HS3ST4: variants seen among roughly 807,000 people sequenced by gnomAD.
HS3ST4 encodes heparan sulfate glucosamine 3-O-sulfotransferase 4.
HS3ST4 carries 17 observed loss-of-function variants against 29.2 expected under a neutral mutation model. The observed-to-expected ratio is 0.58, with a 90% CI of 0.40 to 0.87. The LOEUF (loss-of-function observed/expected upper bound fraction) is 0.87. Among genes scored for constraint, HS3ST4 ranks in the 40% least tolerant of loss-of-function variants. The pLI is 0.00. For synonymous variants in HS3ST4, 314 were observed against 285.7 expected (o/e 1.10, Z -1.00); for missense variants, 627 against 634.5 (o/e 0.99, Z 0.13).
intron 1 of HS3ST4, among the ~76,000 whole-genome samples, chr16:25,932,850 T>G (rs1211090967): frequency 6.6e-6 from 1 of 152,238 alleles, no homozygotes; most frequent in Non-Finnish European, 1.5e-5. Flanking sequence ...GCTTGGTTTC[T>G]AAACCTAGAC....
At chr16:26,004,797 T>A (rs1347517664) in intron 1 of HS3ST4, among the ~76,000 whole-genome samples, 1 of 152,196 alleles carries the variant, frequency 6.6e-6, no homozygotes, top group Non-Finnish European at 1.5e-5. Context: ...TCATGAAGAA[T>A]AAAATTAAAC....
intron 1 of HS3ST4, among the ~76,000 whole-genome samples, chr16:25,914,269 GGTGT>G (rs1005095210): frequency 1.3e-4 from 19 of 150,214 alleles, no homozygotes; most frequent in Admixed American, 3.3e-4. Context: ...GCATGTGTGG[GGTGT>G]GTGTGGGTAG....
At chr16:25,826,243 C>T (rs1164284446) in intron 1 of HS3ST4, 1 of 152,244 alleles carries the variant, frequency 6.6e-6, no homozygotes, top group African/African-American at 2.4e-5. Context: ...AGAACTCCTT[C>T]AGGCTTCAGA....
intron 1 of HS3ST4, among the ~76,000 whole-genome samples, chr16:25,777,858 A>G (rs1256237745): frequency 6.6e-6 from 1 of 151,880 alleles, no homozygotes; most frequent in East Asian, 1.9e-4. Context: ...GCCAATATAG[A>G]ATGCCTTCTG....
intron 1 of HS3ST4, among the ~76,000 whole-genome samples, chr16:25,843,386 G>A (rs1187094595): frequency 6.6e-6 from 1 of 152,156 alleles, no homozygotes; most frequent in African/African-American, 2.4e-5. Context: ...ATTTCCTAGA[G>A]GAAGCATTCC....
At chr16:25,794,601 T>C (rs958019538) in intron 1 of HS3ST4, among the ~76,000 whole-genome samples, 7 of 152,150 alleles carry the variant, frequency 4.6e-5, no homozygotes, top group Non-Finnish European at 1.0e-4. Context: ...CTTATTAGTC[T>C]AATTTTTGCT....
chr16:25,853,667 G>A (rs1391074505), intron 1 of HS3ST4, among the ~76,000 whole-genome samples: 1 of 152,128 alleles, frequency 6.6e-6, no homozygotes, highest in Non-Finnish European at 1.5e-5. Context: ...TTAATATGAT[G>A]TATCACATTT....
chr16:25,928,419 G>A (rs1968431206), intron 1 of HS3ST4, among the ~76,000 whole-genome samples: 1 of 152,060 alleles, frequency 6.6e-6, no homozygotes, highest in Non-Finnish European at 1.5e-5. Flanking sequence ...GTATTTTCAG[G>A]TCACCAAGGA....
intron 1 of HS3ST4, among the ~76,000 whole-genome samples, chr16:25,734,266 A>G (rs1966591439): frequency 6.6e-6 from 1 of 152,198 alleles, no homozygotes; most frequent in Non-Finnish European, 1.5e-5. Context: ...TTTATATGAA[A>G]TTTCCCAACT....
chr16:25,905,772 T>A (rs1419393460), intron 1 of HS3ST4, among the ~76,000 whole-genome samples: 1 of 152,190 alleles, frequency 6.6e-6, no homozygotes, highest in African/African-American at 2.4e-5. Flanking sequence ...TGTTCCTTGG[T>A]ATTAATTTAG....
intron 1 of HS3ST4, among the ~76,000 whole-genome samples, chr16:25,975,609 A>G (rs1201308122): frequency 6.6e-6 from 1 of 152,054 alleles, no homozygotes; most frequent in Non-Finnish European, 1.5e-5. Flanking sequence ...TTCCATCATA[A>G]CCTCACTGGT....
At chr16:26,035,415 A>G (rs1206703068) in intron 1 of HS3ST4, among the ~76,000 whole-genome samples, 2 of 152,202 alleles carry the variant, frequency 1.3e-5, no homozygotes, top group African/African-American at 4.8e-5. Flanking sequence ...TTCCTCCTAG[A>G]TGTTTCAAAA....
intron 1 of HS3ST4, among the ~76,000 whole-genome samples, chr16:26,037,665 A>C (rs1417213967): frequency 6.6e-6 from 1 of 152,190 alleles, no homozygotes; most frequent in Non-Finnish European, 1.5e-5. Flanking sequence ...TTCACTGAGC[A>C]GTTTGTTGGA....
chr16:25,888,374 C>T (rs1251637427), intron 1 of HS3ST4, among the ~76,000 whole-genome samples: 1 of 152,192 alleles, frequency 6.6e-6, no homozygotes, highest in Admixed American at 6.5e-5. Flanking sequence ...CTCTTTATCT[C>T]TGCGTTTCTC....
chr16:26,111,952 G>A (rs1899135249), intron 1 of HS3ST4, among the ~76,000 whole-genome samples: 1 of 150,870 alleles, frequency 6.6e-6, no homozygotes, highest in Non-Finnish European at 1.5e-5. Flanking sequence ...GGGAGGCGGA[G>A]GTTGCAGCAA....
intron 1 of HS3ST4, among the ~76,000 whole-genome samples, chr16:25,885,543 G>A (rs1967940398): frequency 1.3e-5 from 2 of 152,056 alleles, no homozygotes; most frequent in Admixed American, 6.6e-5. Flanking sequence ...GGGGTCTTAA[G>A]GTATAGCTAC....
chr16:25,769,772 G>T (rs1342462026), intron 1 of HS3ST4, among the ~76,000 whole-genome samples: 1 of 152,178 alleles, frequency 6.6e-6, no homozygotes, highest in Non-Finnish European at 1.5e-5. Context: ...TGAACGCAGG[G>T]TGTCTGCAGG....
intron 1 of HS3ST4, among the ~76,000 whole-genome samples, chr16:25,722,848 T>A (rs1039734526): frequency 1.3e-5 from 2 of 152,202 alleles, no homozygotes; most frequent in African/African-American, 4.8e-5. Context: ...AGATGGCACA[T>A]GAGTATTAGT....
At chr16:25,971,016 A>AT (rs1968892013) in intron 1 of HS3ST4, among the ~76,000 whole-genome samples, 1 of 151,406 alleles carries the variant, frequency 6.6e-6, no homozygotes, top group Non-Finnish European at 1.5e-5. Context: ...ATGCCTGTCT[A>AT]TTTTTTGTAT....
Sources: allele counts gnomAD v4.1 joint callset (sites outside exome capture counted in the v4.1 genomes callset), GRCh38; gene constraint gnomAD v4.1.1; transcripts MANE v1.5; gene names NCBI Gene and HGNC (gene_info 2026-07-23, HGNC 2026-07-21).